PRKACB: variants seen among roughly 807,000 people sequenced by gnomAD.
PRKACB encodes cAMP-dependent protein kinase catalytic subunit beta.
A neutral mutation model predicts 51.4 loss-of-function variants in PRKACB; 16 were observed. The observed-to-expected ratio is 0.31, with a 90% CI of 0.21 to 0.47. The LOEUF (loss-of-function observed/expected upper bound fraction) is 0.47, where lower values mean the gene tolerates loss of function less well. Among genes scored for constraint, PRKACB ranks in the 20% least tolerant of loss-of-function variants. The probability of loss-of-function intolerance (pLI) is 1.00; values close to 1 mark genes in which losing one functional copy is unlikely to be tolerated. For missense variants in PRKACB, 309 were observed against 464.5 expected (o/e 0.67, Z 3.08); for synonymous variants, 147 against 154.4 (o/e 0.95, Z 0.35).
chr1:84,144,529 T>TTA lies in PRKACB; in HGVS notation c.168_169insTA (p.Ala57Ter). 11 of 1,607,308 alleles carry TTA rather than the reference T, an allele frequency of 6.8e-6. No homozygotes were observed. The highest frequency in any genetic ancestry group is 9.3e-6 in the Non-Finnish European group (11 of 1,177,846). On this transcript the variant is annotated frameshift_variant, in exon 1 of 10. Coordinates refer to ENST00000370685, the MANE Select transcript of PRKACB (RefSeq NM_182948.4). LOFTEE classifies it high-confidence loss of function. ...ACAGCCTTCATTTCTCTGAACATAC[T>TTA]GCCTTATGGGACAGATCAAGTAAGT...
intron 9 of PRKACB, among the ~76,000 whole-genome samples, chr1:84,226,889 A>G (rs1390502283): frequency 6.6e-6 from 1 of 152,140 alleles, no homozygotes; most frequent in African/African-American, 2.4e-5. Flanking sequence ...TTTGGCTGAG[A>G]TAGGTATTCT....
At chr1:84,098,678 A>G (rs1649108794) in intron 1 of PRKACB, among the ~76,000 whole-genome samples, 2 of 152,180 alleles carry the variant, frequency 1.3e-5, no homozygotes, top group South Asian at 4.1e-4. Flanking sequence ...TTCAAATCAT[A>G]AAAAGTTAAG....
chr1:84,197,588 G>T, intron 6 of PRKACB, 141 bp from the exon 7 acceptor site: 1 of 545,896 alleles, frequency 1.8e-6, no homozygotes, highest in South Asian at 2.7e-5. Context: ...ATTCATGAAT[G>T]AATTTCAATT....
chr1:84,202,697 A>T lies in PRKACB; in HGVS notation c.798A>T (p.Ala266=). The change falls in exon 8 of 10, where the codon GCA becomes GCT. Residue 266 remains alanine (A), a synonymous_variant. Coordinates refer to ENST00000370685, the MANE Select transcript of PRKACB (RefSeq NM_182948.4). The part of the protein sequence containing the change: ...EIILSKGYNK[A]VDWWALGVLI... Reference sequence around the variant, plus strand: ...GTTTATCTCAGGGCTACAATAAGGCAGTGGATTGGTGGGCATTAGGAGTGC... The same window carrying T: ...GTTTATCTCAGGGCTACAATAAGGCTGTGGATTGGTGGGCATTAGGAGTGC... The T allele has an allele frequency of 6.2e-7, 1 of 1,609,530 alleles. No individual in the cohort carries two copies. The highest frequency in any genetic ancestry group is 8.5e-7 in the Non-Finnish European group (1 of 1,177,174).
At chr1:84,100,580 G>A (rs748805124) in intron 1 of PRKACB, among the ~76,000 whole-genome samples, 2 of 152,100 alleles carry the variant, frequency 1.3e-5, no homozygotes, top group South Asian at 4.1e-4. Flanking sequence ...AACTCCATCA[G>A]TCTGATTCTA....
intron 8 of PRKACB, among the ~76,000 whole-genome samples, chr1:84,203,805 T>C (rs906180267): frequency 6.6e-5 from 10 of 152,006 alleles, no homozygotes; most frequent in Non-Finnish European, 1.0e-4. Flanking sequence ...TTTTTTGTTT[T>C]ATTTTTTATT....
At chr1:84,131,458 T>G (rs1652202718) in intron 1 of PRKACB, among the ~76,000 whole-genome samples, 1 of 152,108 alleles carries the variant, frequency 6.6e-6, no homozygotes, top group African/African-American at 2.4e-5. Flanking sequence ...TTGCAGATGT[T>G]CAAGTAATTC....
chr1:84,088,754 T>TA (rs1324086637), intron 1 of PRKACB, among the ~76,000 whole-genome samples: 1 of 152,188 alleles, frequency 6.6e-6, no homozygotes, highest in African/African-American at 2.4e-5. Context: ...AATCAGTACT[T>TA]ATTGAGCGCC....
At chr1:84,107,817 TAA>T (rs1649902467) in intron 1 of PRKACB, among the ~76,000 whole-genome samples, 1 of 152,004 alleles carries the variant, frequency 6.6e-6, no homozygotes, top group Non-Finnish European at 1.5e-5. Flanking sequence ...TGGCTATTAT[TAA>T]AGAGTAAAAA....
chr1:84,221,980 T>C (rs1673797223), intron 9 of PRKACB, among the ~76,000 whole-genome samples: 1 of 152,142 alleles, frequency 6.6e-6, no homozygotes, highest in Admixed American at 6.5e-5. Flanking sequence ...ATTTTTTTGG[T>C]TGATTCTCTC....
intron 1 of PRKACB, among the ~76,000 whole-genome samples, chr1:84,137,679 G>A (rs1444170692): frequency 6.6e-6 from 1 of 152,196 alleles, no homozygotes; most frequent in Non-Finnish European, 1.5e-5. Context: ...GGAGGCAAAA[G>A]AGTACTGTAG....
At chr1:84,122,497 C>T (rs546984024) in intron 1 of PRKACB, among the ~76,000 whole-genome samples, 10 of 152,238 alleles carry the variant, frequency 6.6e-5, no homozygotes, top group African/African-American at 2.4e-4. Flanking sequence ...TATGGCTAAT[C>T]TGCCATATAT....
chr1:84,139,786 C>T (rs1304260230), upstream of PRKACB, among the ~76,000 whole-genome samples: 1 of 152,182 alleles, frequency 6.6e-6, no homozygotes, highest in African/African-American at 2.4e-5. Flanking sequence ...GGGCCGGGCA[C>T]TGTGGCTTAC....
In PRKACB at chr1:84,214,063, T is replaced by A. The variant is rs1374665043; in HGVS notation, c.907-90T>A. The A allele has an allele frequency of 3.8e-6, 5 of 1,327,848 alleles. No individual in the cohort carries two copies. In the Admixed American group the frequency reaches 1.2e-4, roughly 32 times the overall value. 82.3% of individuals were successfully genotyped at this position (1,327,848 alleles called of 1,614,324 possible). A position where few individuals can be genotyped will look rare whatever the true frequency, so the allele number is the denominator to read the frequency against. ...CCATATTTTTGTTTATATAATGGCT[T>A]GTTGCCTTGAAAAAAAAACTTTATG... On this transcript the variant is annotated intron_variant, in intron 8 of 9. Transcript: ENST00000370685.
In PRKACB at chr1:84,237,728, T is replaced by C. The variant is rs899282912; in HGVS notation, c.*2423T>C. 1 of 152,172 alleles carries C rather than the reference T, an allele frequency of 6.6e-6. No individual in the cohort carries two copies. Among genetic ancestry groups the C allele is most frequent in the Non-Finnish European group, 1.5e-5 (1 of 67,994 alleles). 9.4% of individuals were successfully genotyped at this position (152,172 alleles called of 1,614,324 possible). On this transcript the variant is annotated 3_prime_UTR_variant, in exon 10 of 10. Transcript: ENST00000370685. ...AAGTAGCATAAATCAGTATTTAACCTAAAATTACATATTTGAAACAGAAGA... is the reference window on the plus strand; with the variant it reads ...AAGTAGCATAAATCAGTATTTAACCCAAAATTACATATTTGAAACAGAAGA...
At chr1:84,193,090 A>G (rs1329625536) in intron 5 of PRKACB, among the ~76,000 whole-genome samples, 1 of 152,156 alleles carries the variant, frequency 6.6e-6, no homozygotes, top group Admixed American at 6.6e-5. Flanking sequence ...ACAGGGGGAA[A>G]ATAACCCTCC....
chr1:84,167,247 T>G (rs1294654524), intron 1 of PRKACB, among the ~76,000 whole-genome samples: 2 of 151,604 alleles, frequency 1.3e-5, no homozygotes, highest in African/African-American at 4.8e-5. Flanking sequence ...AATATGCCCA[T>G]TTTTTAAACT....
At chr1:84,196,577 T>C (rs1210102375) in intron 5 of PRKACB, 39 bp from the exon 6 acceptor site, 2 of 1,594,920 alleles carry the variant, frequency 1.3e-6, no homozygotes, top group Non-Finnish European at 1.7e-6. Context: ...ATGTATTAAC[T>C]CATTTTTACA....
chr1:84,236,379 G>A lies in PRKACB; in HGVS notation c.*1074G>A, dbSNP rs546499624. The A allele has an allele frequency of 6.6e-5, 10 of 152,482 alleles. No individual in the cohort carries two copies. Among genetic ancestry groups the A allele is most frequent in the Non-Finnish European group, 1.0e-4 (7 of 68,000 alleles). The allele number at this position is 152,482 out of a possible 1,614,324, so 9.4% of individuals were successfully genotyped here. On this transcript the variant is annotated 3_prime_UTR_variant, in exon 10 of 10. Transcript: ENST00000370685. ...TTTACATTTGTTTTGTTTTGTAACC[G>A]TTAAAAAGAAGTTGTTTCCAGCTAA...
Sources: gnomAD v4.1 joint callset for allele counts (sites outside exome capture counted in the v4.1 genomes callset) on GRCh38, gnomAD v4.1.1 for gene constraint, MANE v1.5 for transcripts, NCBI Gene and HGNC (gene_info 2026-07-23, HGNC 2026-07-21) for gene names.